The following BMPR2 variants were observed in gnomAD, a reference collection of about 807,000 sequenced individuals.
BMPR2 encodes the protein bone morphogenetic protein receptor type 2, also known as bone morphogenetic protein receptor type-2.
In BMPR2, 29 loss-of-function variants were observed where a neutral mutation model predicts 100.8. That is an observed-to-expected ratio of 0.29 (90% confidence interval 0.21 to 0.39). The LOEUF (loss-of-function observed/expected upper bound fraction) is 0.39. BMPR2 is among the 10% of genes least tolerant of loss of function. BMPR2 has a pLI of 1.00. For missense variants in BMPR2, 1,011 were observed against 1,274.5 expected (o/e 0.79, Z 3.15); for synonymous variants, 382 against 442.3 (o/e 0.86, Z 1.71).
At chr2:202,460,165 T>A (rs1442017384) in intron 1 of BMPR2, among the ~76,000 whole-genome samples, 1 of 152,000 alleles carries the variant, frequency 6.6e-6, no homozygotes, top group Non-Finnish European at 1.5e-5. Flanking sequence ...TTGGTGGGAG[T>A]CTAAATTAAT....
chr2:202,513,600 G>A, intron 3 of BMPR2, 119 bp from the exon 4 acceptor site: 1 of 657,570 alleles, frequency 1.5e-6, no homozygotes, highest in Non-Finnish European at 2.6e-6. Flanking sequence ...TTCCTTTGAT[G>A]CAAAAACATT....
chr2:202,395,032 C>T (rs570319840), intron 1 of BMPR2, among the ~76,000 whole-genome samples: 144 of 148,636 alleles, frequency 9.7e-4, no homozygotes, highest in Middle Eastern at 3.4e-3. Context: ...TACAGGTGCC[C>T]GCCACCACGC....
chr2:202,384,564 C>CTTTT (rs1426751018), intron 1 of BMPR2, among the ~76,000 whole-genome samples: 593 of 28,952 alleles, frequency 0.02, 3 homozygotes, highest in South Asian at 0.056. Flanking sequence ...TTCTTTCTTT[C>CTTTT]TTTCTTTTTC....
chr2:202,523,552 C>T (rs1182254734), intron 7 of BMPR2, among the ~76,000 whole-genome samples: 1 of 152,096 alleles, frequency 6.6e-6, no homozygotes, highest in Non-Finnish European at 1.5e-5. Context: ...GCCTGTAATC[C>T]CAGCACTTTG....
rs753989203 is a variant in BMPR2 at position 202,518,981 on chromosome 2, A to G, written c.781A>G (p.Ile261Val). The change falls in exon 6 of 13, where the codon ATA becomes GTA. Residue 261 changes from isoleucine (I) to valine (V), a missense_variant. By Grantham distance (29) the Ile-to-Val change is conservative. Transcript: ENST00000374580. The stretch of plus-strand genomic sequence containing the variant: ...GGAACATGACAACATTGCCCGCTTT[A>G]TAGTTGGAGATGAGAGAGTCACTGC... ...LMEHDNIARF[I>V]VGDERVTADG... 1 of 1,614,208 alleles carries G rather than the reference A, an allele frequency of 6.2e-7. No individual in the cohort carries two copies. Among genetic ancestry groups the G allele is most frequent in the Non-Finnish European group, 8.5e-7 (1 of 1,180,036 alleles).
intron 1 of BMPR2, among the ~76,000 whole-genome samples, chr2:202,378,586 A>G (rs1690206281): frequency 6.6e-6 from 1 of 152,208 alleles, no homozygotes; most frequent in South Asian, 2.1e-4. Flanking sequence ...GATCTAGGAA[A>G]ATGCCGAAGA....
At chr2:202,535,363 T>C (rs1688128650) in intron 9 of BMPR2, among the ~76,000 whole-genome samples, 1 of 140,910 alleles carries the variant, frequency 7.1e-6, no homozygotes, top group African/African-American at 2.7e-5. Context: ...TCCTCACTTC[T>C]CAGACGGGGC....
intron 1 of BMPR2, among the ~76,000 whole-genome samples, chr2:202,420,829 G>A (rs1470660263): frequency 6.6e-6 from 1 of 151,766 alleles, no homozygotes; most frequent in Non-Finnish European, 1.5e-5. Context: ...TTACAGGCAT[G>A]AGCCACCACG....
intron 3 of BMPR2, among the ~76,000 whole-genome samples, chr2:202,480,027 A>G (rs1692628706): frequency 6.6e-6 from 1 of 151,972 alleles, no homozygotes; most frequent in Admixed American, 6.6e-5. Context: ...TTGGCTTGTC[A>G]TTTTACTTAG....
chr2:202,420,538 T>TA (rs200647845), intron 1 of BMPR2, among the ~76,000 whole-genome samples: 4,277 of 16,056 alleles, frequency 0.27, 211 homozygotes, highest in East Asian at 0.43. Flanking sequence ...AGAAGCATGA[T>TA]TTTTTTTTTT....
chr2:202,412,181 G>A (rs1488698083), intron 1 of BMPR2, among the ~76,000 whole-genome samples: 2 of 152,074 alleles, frequency 1.3e-5, no homozygotes, highest in Non-Finnish European at 2.9e-5. Context: ...AGACACATGC[G>A]TATGTGTCTC....
Position 202,520,215 on chromosome 2 carries a change from T to TTTCATCTATTG in BMPR2, c.967+14_967+15insTTCATCTATTG. 6.4e-7 allele frequency: 1 copy of TTTCATCTATTG among 1,574,640 alleles called. No individual in the cohort carries two copies. The highest frequency in any genetic ancestry group is 8.7e-7 in the Non-Finnish European group (1 of 1,144,146). On this transcript the variant is annotated intron_variant, in intron 7 of 12. Transcript: ENST00000374580. ...TACCACGAGGAGGTAAGATAGTCAATAGATGAAATTGACACTCATGTGGGT... is the reference window on the plus strand; with the variant it reads ...TACCACGAGGAGGTAAGATAGTCAATTTCATCTATTGAGATGAAATTGACACTCATGTGGGT...
At position 202,567,601 on chromosome 2, in the gene BMPR2, A is replaced by G. The variant is rs1688786076; in HGVS notation, c.*7655A>G. The G allele has an allele frequency of 1.3e-5, 2 of 152,600 alleles. No individual in the cohort carries two copies. Among genetic ancestry groups the G allele is most frequent in the Non-Finnish European group, 2.9e-5 (2 of 68,024 alleles). The allele number at this position is 152,600 out of a possible 1,614,324, so 9.5% of individuals were successfully genotyped here. A position where few individuals can be genotyped will look rare whatever the true frequency, so the allele number is the denominator to read the frequency against. On this transcript the variant is annotated 3_prime_UTR_variant, in exon 13 of 13. Transcript: ENST00000374580. ...AGTTTTCTATGAATAAGTGTAAGTA[A>G]ATGCTTTGATATATATAAACCTAAA...
At chr2:202,494,069 A>G in intron 3 of BMPR2, among the ~76,000 whole-genome samples, 1 of 152,220 alleles carries the variant, frequency 6.6e-6, no homozygotes, top group East Asian at 1.9e-4. Context: ...TGCCATTCCA[A>G]ACATATTAAT....
At position 202,453,205 on chromosome 2, in the gene BMPR2, CTT is replaced by C. The variant is rs5837819; in HGVS notation, c.77-11593_77-11592del. Reference sequence around the variant, plus strand: ...ATCATTGCAGTTTAATATATACTGTCTTTTTTTTTTTTGAGTAAATTATTTAT... The same window carrying C: ...ATCATTGCAGTTTAATATATACTGTCTTTTTTTTTTGAGTAAATTATTTAT... On this transcript the variant is annotated intron_variant, in intron 1 of 12. Coordinates refer to ENST00000374580, the MANE Select transcript of BMPR2 (RefSeq NM_001204.7). Among the ~76,000 whole-genome samples, 1,060 of 148,704 alleles carry C rather than the reference CTT, an allele frequency of 7.1e-3. 11 individuals are homozygous for C. The highest frequency in any genetic ancestry group is 0.021 in the African/African-American group (865 of 40,598).
chr2:202,552,665 T>G, intron 10 of BMPR2, 51 bp from the exon 11 acceptor site: 1 of 1,598,014 alleles, frequency 6.3e-7, no homozygotes, highest in Non-Finnish European at 8.6e-7. Flanking sequence ...AAAAGCTCAA[T>G]ACATTTTTTT....
At chr2:202,515,482 A>G (rs2106003677) in intron 5 of BMPR2, among the ~76,000 whole-genome samples, 1 of 151,754 alleles carries the variant, frequency 6.6e-6, no homozygotes, top group South Asian at 2.1e-4. Flanking sequence ...GAGGCAGGAG[A>G]ATTGCTTGAA....
At chr2:202,481,075 C>T (rs1239648998) in intron 3 of BMPR2, among the ~76,000 whole-genome samples, 1 of 151,714 alleles carries the variant, frequency 6.6e-6, no homozygotes, top group African/African-American at 2.4e-5. Flanking sequence ...ATGCCAGGAC[C>T]ACACTGTCTT....
rs200573778 is a variant in BMPR2, at chr2:202,456,513, C to CTT, written c.77-8294_77-8293dup. Among the ~76,000 whole-genome samples the CTT allele has an allele frequency of 1.1e-4, 15 of 132,958 alleles. 1 individual carries two copies. The highest frequency in any genetic ancestry group is 1.5e-4 in the Non-Finnish European group (9 of 61,238). The allele number at this position is 132,958 out of a possible 152,430, so 87.2% of individuals were successfully genotyped here. Reference sequence around the variant, plus strand: ...ATTTATGTAGCACTTTTCTTTCTTTCTTTCTTTTTTTTTTTTTTCCAGAGG... The same window carrying CTT: ...ATTTATGTAGCACTTTTCTTTCTTTCTTTTTCTTTTTTTTTTTTTTCCAGAGG... On this transcript the variant is annotated intron_variant, in intron 1 of 12. Coordinates refer to ENST00000374580, the MANE Select transcript of BMPR2 (RefSeq NM_001204.7).
Sources: allele counts gnomAD v4.1 joint callset (sites outside exome capture counted in the v4.1 genomes callset), GRCh38; gene constraint gnomAD v4.1.1; transcripts MANE v1.5; gene names NCBI Gene and HGNC (gene_info 2026-07-23, HGNC 2026-07-21).